Variants in ADD3 observed in about 807,000 individuals in gnomAD.
The protein encoded by ADD3 is adducin 3, also known as gamma-adducin.
Under a neutral mutation model 80.2 loss-of-function variants are expected in ADD3, and 25 were observed. The ratio of observed to expected loss-of-function variants is 0.31; its 90% CI spans 0.23 to 0.44. ADD3 has a LOEUF of 0.44. Among genes scored for constraint, ADD3 ranks in the 20% least tolerant of loss-of-function variants. The pLI is 1.00. For missense variants in ADD3, 829 were observed against 847.5 expected (o/e 0.98, Z 0.27); for synonymous variants, 284 against 289.6 (o/e 0.98, Z 0.20).
At chr10:110,029,279 T>G (rs1854701925) in intron 1 of ADD3, among the ~76,000 whole-genome samples, 2 of 152,340 alleles carry the variant, frequency 1.3e-5, no homozygotes, top group East Asian at 3.8e-4. Context: ...GAGTAATAGA[T>G]TGTCGTGATG....
At chr10:110,125,701 A>T in intron 10 of ADD3, 125 bp from the exon 11 acceptor site, 1 of 593,354 alleles carries the variant, frequency 1.7e-6, no homozygotes, top group Non-Finnish European at 2.7e-6. Context: ...CACCACTAAG[A>T]TACTGCTTAG....
intron 1 of ADD3, among the ~76,000 whole-genome samples, chr10:110,039,201 A>G (rs1856002852): frequency 6.6e-6 from 1 of 151,972 alleles, no homozygotes; most frequent in Non-Finnish European, 1.5e-5. Flanking sequence ...CTTCCAGAGT[A>G]ATCATGTTGT....
chr10:110,082,430 T>C (rs756303966), intron 1 of ADD3, among the ~76,000 whole-genome samples: 1 of 152,226 alleles, frequency 6.6e-6, no homozygotes, highest in Non-Finnish European at 1.5e-5. Flanking sequence ...CTTTTGGGTA[T>C]GAAAAATGTC....
chr10:110,019,346 CT>C (rs1201332558), intron 1 of ADD3, among the ~76,000 whole-genome samples: 3 of 148,592 alleles, frequency 2.0e-5, no homozygotes, highest in Non-Finnish European at 4.4e-5. Flanking sequence ...GAGCAAGTAA[CT>C]TTCTGTTTGC....
At chr10:110,035,271 C>T (rs1268474492) in intron 1 of ADD3, among the ~76,000 whole-genome samples, 1 of 152,112 alleles carries the variant, frequency 6.6e-6, no homozygotes, top group African/African-American at 2.4e-5. Context: ...ATGTCAGCGC[C>T]CCCTTGCTGC....
In ADD3 at chr10:110,025,762, A is replaced by G. The variant is rs79863733; in HGVS notation, c.-30+17463A>G. Among the ~76,000 whole-genome samples, 898 of 152,240 alleles carry G rather than the reference A, an allele frequency of 5.9e-3. 7 individuals are homozygous for G. The highest frequency in any genetic ancestry group is 0.021 in the African/African-American group (862 of 41,534). ...TCCAGTGCTTTTTTCACTTCATTAC[A>G]TTACGAGCCATCTTAACTCCATTCA... is the stretch of plus-strand genomic sequence containing the variant. On this transcript the variant is annotated intron_variant, in intron 1 of 14. Transcript: ENST00000356080.
chr10:110,119,298 C>G lies in ADD3; in HGVS notation c.805C>G (p.Leu269Val), dbSNP rs1424309910. 12 of 1,614,032 alleles carry G rather than the reference C, an allele frequency of 7.4e-6. No homozygotes were observed. The highest frequency in any genetic ancestry group is 8.5e-6 in the Non-Finnish European group (10 of 1,180,022). Residue 269 changes from leucine (L) to valine (V), a missense_variant, in exon 7 of 15, where the codon CTT (leucine) becomes GTT (valine). Leu to Val is a conservative substitution (Grantham distance 32, BLOSUM62 1). Transcript: ENST00000356080. The part of the protein sequence containing the change: ...DVAYYDYQGS[L>V]EEQEERIQLQ... ...TGCCTATTATGACTACCAAGGGTCA[C>G]TTGAAGAACAGGAGGAGAGAATTCA...
Position 110,125,958 on chromosome 10 carries a change from C to A in ADD3, c.1521+13C>A. On this transcript the variant is annotated intron_variant, in intron 11 of 14. Transcript: ENST00000356080. ...AAAGAGAAATAAGGTAAGACATGGT[C>A]TTCTATAGCCAGGGGAGACATTTTA... The A allele has an allele frequency of 6.3e-7, 1 of 1,583,188 alleles. No individual in the cohort carries two copies. The highest frequency in any genetic ancestry group is 1.1e-5 in the South Asian group (1 of 88,072).
At chr10:110,040,255 G>GA (rs1856142428) in intron 1 of ADD3, among the ~76,000 whole-genome samples, 1 of 152,044 alleles carries the variant, frequency 6.6e-6, no homozygotes, top group Non-Finnish European at 1.5e-5. Flanking sequence ...ATGAGGTTTG[G>GA]GTGAGAATAT....
intron 1 of ADD3, among the ~76,000 whole-genome samples, chr10:110,073,133 G>GTTTTTTTTTTTTTTTTTTTT (rs1443878675): frequency 9.4e-6 from 1 of 106,490 alleles, no homozygotes; most frequent in Non-Finnish European, 1.9e-5. Flanking sequence ...TTGAGTTTTA[G>GTTTTTTTTTTTTTTTTTTTT]TTTTCTTTTT....
intron 1 of ADD3, among the ~76,000 whole-genome samples, chr10:110,041,010 C>T (rs1017985001): frequency 1.6e-4 from 25 of 152,276 alleles, no homozygotes; most frequent in Non-Finnish European, 1.2e-4. Context: ...CTCTGTCCCT[C>T]TCTGTCTCAC....
At chr10:110,098,517 C>T (rs1191777530) in intron 1 of ADD3, among the ~76,000 whole-genome samples, 2 of 152,278 alleles carry the variant, frequency 1.3e-5, no homozygotes, top group African/African-American at 4.8e-5. Flanking sequence ...GTGCTATTTG[C>T]AAAGCCTTCT....
chr10:110,123,914 G>C, intron 9 of ADD3, 103 bp from the exon 10 acceptor site: 3 of 1,210,668 alleles, frequency 2.5e-6, no homozygotes, highest in Non-Finnish European at 3.4e-6. Context: ...TTGTTTTTTA[G>C]CAAAGGAGTC....
intron 1 of ADD3, among the ~76,000 whole-genome samples, chr10:110,023,840 C>G (rs1321515291): frequency 1.3e-5 from 2 of 152,188 alleles, no homozygotes; most frequent in Non-Finnish European, 2.9e-5. Flanking sequence ...AATGAAGGTG[C>G]TTCCCCTATG....
At chr10:110,073,080 T>C (rs1411812150) in intron 1 of ADD3, among the ~76,000 whole-genome samples, 3 of 151,822 alleles carry the variant, frequency 2.0e-5, no homozygotes, top group East Asian at 3.9e-4. Context: ...GTTCGACTTA[T>C]CTCCATTGCC....
At chr10:110,040,682 A>G (rs1325591905) in intron 1 of ADD3, among the ~76,000 whole-genome samples, 4 of 152,200 alleles carry the variant, frequency 2.6e-5, no homozygotes, top group African/African-American at 7.2e-5. Context: ...TCCTTTGGCA[A>G]CAGTATTGAG....
chr10:110,118,867 C>T, intron 6 of ADD3, 131 bp downstream of exon 6: 2 of 959,916 alleles, frequency 2.1e-6, no homozygotes, highest in Non-Finnish European at 3.0e-6. Context: ...ACCCAGAAAG[C>T]AAAAGGCCTT....
At chr10:110,117,565 T>C (rs774728511) in intron 5 of ADD3, 143 bp downstream of exon 5, 27 of 588,120 alleles carry the variant, frequency 4.6e-5, no homozygotes, top group Non-Finnish European at 8.2e-5. Context: ...TTGAACTATG[T>C]TGTTTTAGGG....
chr10:110,026,929 A>G (rs143299577), intron 1 of ADD3, among the ~76,000 whole-genome samples: 4 of 152,178 alleles, frequency 2.6e-5, no homozygotes, highest in African/African-American at 7.2e-5. Flanking sequence ...GATTTCAGTA[A>G]TGTATTCGAA....
Sources: allele counts gnomAD v4.1 joint callset (sites outside exome capture counted in the v4.1 genomes callset), GRCh38; gene constraint gnomAD v4.1.1; transcripts MANE v1.5; gene names NCBI Gene and HGNC (gene_info 2026-07-23, HGNC 2026-07-21).